Variants in BCL3 observed in about 807,000 individuals in gnomAD.
BCL3 encodes the protein BCL3 transcription coactivator.
Under a neutral mutation model 35.7 loss-of-function variants are expected in BCL3, and 15 were observed. The observed-to-expected ratio is 0.42, with a 90% CI of 0.28 to 0.65. BCL3 has a LOEUF of 0.65. Ranked by LOEUF, BCL3 falls within the 30% of genes least tolerant of loss-of-function variation. BCL3 has a pLI of 0.22. For missense variants in BCL3, 565 were observed against 641.7 expected (o/e 0.88, Z 1.29); for synonymous variants, 311 against 284.3 (o/e 1.09, Z -0.95).
chr19:44,751,467 G>A (rs1238698219), intron 2 of BCL3, 87 bp downstream of exon 2: 1 of 1,368,022 alleles, frequency 7.3e-7, no homozygotes, highest in Non-Finnish European at 9.7e-7. Flanking sequence ...CAGTGGACCT[G>A]AGTCAGAACT....
Position 44,757,859 on chromosome 19 carries a change from A to C in BCL3, c.891+136A>C. On this transcript the variant is annotated intron_variant, in intron 6 of 8. Coordinates refer to ENST00000164227, the MANE Select transcript of BCL3 (RefSeq NM_005178.5). This position sits in a 1 kb window ranked among gnomAD's most constrained non-coding sequence, Gnocchi z 8.4. The stretch of plus-strand genomic sequence containing the variant: ...GCTCCGCGTCCAGCTCTGATCCTTT[A>C]AGGCCTAGTTTTCTCGACCCTCGGG... The C allele has an allele frequency of 1.2e-6, 1 of 839,902 alleles. No individual in the cohort carries two copies. The highest frequency in any genetic ancestry group is 1.8e-6 in the Non-Finnish European group (1 of 541,556). The allele number at this position is 839,902 out of a possible 1,614,324, so 52.0% of individuals were successfully genotyped here. A position where few individuals can be genotyped will look rare whatever the true frequency, so the allele number is the denominator to read the frequency against.
At position 44,758,421 on chromosome 19, in the gene BCL3, G is replaced by A. The variant is rs958682100; in HGVS notation, c.1059+8G>A. ...GTGGCGCGCAGCCGCAGGGTGAGCC[G>A]GGGCAGCTGTGGACATGCCCCTTGC... On this transcript the variant is annotated splice_region_variant and intron_variant, in intron 7 of 8. Coordinates refer to ENST00000164227, the MANE Select transcript of BCL3 (RefSeq NM_005178.5). The A allele has an allele frequency of 6.5e-7, 1 of 1,540,328 alleles. No homozygotes were observed. Among genetic ancestry groups the A allele is most frequent in the East Asian group, 2.4e-5 (1 of 40,868 alleles).
chr19:44,755,309 C>T (rs1223861764), intron 2 of BCL3: 1 of 152,328 alleles, frequency 6.6e-6, no homozygotes, highest in Non-Finnish European at 1.5e-5. Flanking sequence ...CACACGGCCT[C>T]AGCTGTCCCA....
Position 44,751,221 on chromosome 19 carries a change from G to T in BCL3, c.257-6G>T. 6.2e-7 allele frequency: 1 copy of T among 1,607,546 alleles called. No homozygotes were observed. ...CCATGTCCCTTCTCTGTCCTCCATT[G>T]TCCAGGAGCCTTACTGCCTTTGTAC... is the stretch of plus-strand genomic sequence containing the variant. On this transcript the variant is annotated splice_region_variant and splice_polypyrimidine_tract_variant and intron_variant, in intron 1 of 8. Coordinates refer to ENST00000164227, the MANE Select transcript of BCL3 (RefSeq NM_005178.5).
At position 44,757,822 on chromosome 19, in the gene BCL3, G is replaced by GCT. The variant is rs1335463390; in HGVS notation, c.891+101_891+102dup. 90 of 1,171,620 alleles carry GCT rather than the reference G, an allele frequency of 7.7e-5. No homozygotes were observed. The highest frequency in any genetic ancestry group is 9.3e-5 in the Non-Finnish European group (75 of 803,802). The allele number at this position is 1,171,620 out of a possible 1,614,324, so 72.6% of individuals were successfully genotyped here. On this transcript the variant is annotated intron_variant, in intron 6 of 8. Transcript: ENST00000164227. This position sits in a 1 kb window ranked among gnomAD's most constrained non-coding sequence, Gnocchi z 8.4. ...GCTCTGACCCCGCCTTCCACTTCTG[G>GCT]CTCCGGCTCCTGCTCCGCGTCCAGC...
At chr19:44,756,911 TC>T in intron 3 of BCL3, 105 bp from the exon 4 acceptor site, 1 of 1,117,594 alleles carries the variant, frequency 8.9e-7, no homozygotes. Context: ...AGGTTTCTGT[TC>T]CTGGGGAAGA....
Position 44,756,291 on chromosome 19 carries a change from T to C in BCL3, c.470T>C (p.Leu157Pro). The change falls in exon 3 of 9, where the codon CTC becomes CCC. Residue 157 changes from leucine to proline, a missense_variant. Around this residue, in one of 5 missense-constraint regions of BCL3, gnomAD observed 267 missense variants for 281.5 expected, o/e 0.95. Transcript: ENST00000164227. The stretch of plus-strand genomic sequence containing the variant: ...CCAGCTGTGCACCGGCTGGTCAACC[T>C]CTTCCAGCAGGGGGGCCGGGAGCTC... The part of the protein sequence containing the change: ...NLPAVHRLVN[L>P]FQQGGRELDI... 6.4e-7 allele frequency: 1 copy of C among 1,552,296 alleles called. No homozygotes were observed. Among genetic ancestry groups the C allele is most frequent in the African/African-American group, 1.4e-5 (1 of 72,416 alleles).
chr19:44,749,134 C>A, intron 1 of BCL3, 88 bp downstream of exon 1: 3 of 627,494 alleles, frequency 4.8e-6, no homozygotes, highest in Non-Finnish European at 6.6e-6. Context: ...GAGGCACAAA[C>A]CGGTGTCTCT....
chr19:44,751,176 G>T, intron 1 of BCL3, 51 bp from the exon 2 acceptor site: 1 of 1,566,530 alleles, frequency 6.4e-7, no homozygotes. Context: ...CGGGTTGAGG[G>T]TCTGTGGGTG....
chr19:44,757,466 GTC>G lies in BCL3; in HGVS notation c.813+53_813+54del. The G allele has an allele frequency of 6.9e-6, 6 of 874,540 alleles. No individual in the cohort carries two copies. Among genetic ancestry groups the G allele is most frequent in the Non-Finnish European group, 8.9e-6 (5 of 563,322 alleles). 54.2% of individuals were successfully genotyped at this position (874,540 alleles called of 1,614,324 possible). On this transcript the variant is annotated intron_variant, in intron 5 of 8. Coordinates refer to ENST00000164227, the MANE Select transcript of BCL3 (RefSeq NM_005178.5). This position sits in a 1 kb window ranked among gnomAD's most constrained non-coding sequence, Gnocchi z 8.4. ...GGAGCGGGGCCTTAGCAGGGGCGGG[GTC>G]TTGGCGGGGGCGGGGCCAGTGTGGG... is the stretch of plus-strand genomic sequence containing the variant.
intron 2 of BCL3, among the ~76,000 whole-genome samples, chr19:44,752,252 G>A (rs781671938): frequency 1.3e-5 from 2 of 149,854 alleles, no homozygotes; most frequent in Non-Finnish European, 3.0e-5. Flanking sequence ...CCAGGCTGGA[G>A]TGCAGTGGTG....
chr19:44,756,676 G>C (rs542791617), intron 3 of BCL3, among the ~76,000 whole-genome samples: 2 of 151,640 alleles, frequency 1.3e-5, no homozygotes, highest in African/African-American at 2.4e-5. Context: ...TCTAAGTAGC[G>C]AGGTGCTCCA....
At chr19:44,759,364 C>G in intron 8 of BCL3, 64 bp from the exon 9 acceptor site, 2 of 1,381,048 alleles carry the variant, frequency 1.4e-6, no homozygotes, top group Non-Finnish European at 2.0e-6. Context: ...ATCTCAGGCC[C>G]CAGCCCCTGC....
chr19:44,753,343 G>A (rs2122287855), intron 2 of BCL3, among the ~76,000 whole-genome samples: 1 of 152,308 alleles, frequency 6.6e-6, no homozygotes, highest in African/African-American at 2.4e-5. Flanking sequence ...CAGGGTGCTT[G>A]CCAGAGGCCA....
upstream of BCL3, chr19:44,748,052 C>A (rs1384781835): frequency 1.5e-6 from 2 of 1,344,284 alleles, no homozygotes; most frequent in Admixed American, 4.5e-5. Flanking sequence ...AGTCCCTGCC[C>A]CGGGTGCGTC....
intron 7 of BCL3, 23 bp from the exon 8 acceptor site, chr19:44,758,701 T>C (rs1967349640): frequency 6.4e-7 from 1 of 1,565,714 alleles, no homozygotes. Context: ...GGTGGCTCTA[T>C]GGTCACGCCC....
Position 44,758,768 on chromosome 19 carries a change from C to A in BCL3, c.1104C>A (p.Thr368=), listed in dbSNP as rs756473119. ...GGAAGGCCACCCGGCCTGCTTCCAC[C>A]TCCCAGCCAGACCCCTCCCCTGACC... ...LRGKATRPAS[T]SQPDPSPDRS... Residue 368 remains threonine (T), a synonymous_variant, in exon 8 of 9, where the codon ACC becomes ACA. Transcript: ENST00000164227. 4 of 1,608,038 alleles carry A rather than the reference C, an allele frequency of 2.5e-6. No homozygotes were observed. The South Asian group carries it at 4.4e-5, about 18-fold the overall frequency.
chr19:44,751,196 C>T lies in BCL3; in HGVS notation c.257-31C>T, dbSNP rs377373960. 16 of 1,592,268 alleles carry T rather than the reference C, an allele frequency of 1.0e-5. No homozygotes were observed. The South Asian group carries it at 1.6e-4, about 16-fold the overall frequency. On this transcript the variant is annotated intron_variant, in intron 1 of 8. Transcript: ENST00000164227. ...TGAGGGTCTGTGGGTGTGGCCTCAC[C>T]CATGTCCCTTCTCTGTCCTCCATTG...
intron 2 of BCL3, chr19:44,755,131 G>GTGCACAAGCACGCACGCA (rs1967256965): frequency 6.6e-6 from 1 of 152,530 alleles, no homozygotes; most frequent in South Asian, 2.1e-4. Context: ...CAGCACAGGC[G>GTGCACAAGCACGCACGCA]TGCACAAGCA....
Sources: allele counts gnomAD v4.1 joint callset (sites outside exome capture counted in the v4.1 genomes callset), GRCh38; gene constraint gnomAD v4.1.1; regional missense constraint gnomAD v4.1.1; non-coding constraint Gnocchi (gnomAD v3.1); transcripts MANE v1.5; gene names NCBI Gene and HGNC (gene_info 2026-07-23, HGNC 2026-07-21).